CATSPERE: variants seen among roughly 807,000 people sequenced by gnomAD.
CATSPERE encodes the protein cation channel sperm-associated auxiliary subunit epsilon.
A neutral mutation model predicts 114.1 loss-of-function variants in CATSPERE; 93 were observed. The ratio of observed to expected loss-of-function variants is 0.81; its 90% CI spans 0.69 to 0.97. The LOEUF is 0.97. CATSPERE is among the 50% of genes least tolerant of loss of function. The pLI, the probability that CATSPERE is intolerant of heterozygous loss-of-function variation, is 0.00. For synonymous variants in CATSPERE, 341 were observed against 384.1 expected, an observed-to-expected ratio of 0.89 and a Z score of 1.31; for missense variants, 1,058 against 1,131.6, an observed-to-expected ratio of 0.93 and a Z score of 0.93.
At chr1:244,556,623 G>A (rs1407628489) in intron 9 of CATSPERE, among the ~76,000 whole-genome samples, 2 of 152,146 alleles carry the variant, frequency 1.3e-5, no homozygotes, top group African/African-American at 2.4e-5. Context: ...AGACCATATC[G>A]ACCAATGTCA....
intron 8 of CATSPERE, among the ~76,000 whole-genome samples, chr1:244,528,523 TAGTA>T (rs1679033656): frequency 6.6e-6 from 1 of 152,086 alleles, no homozygotes; most frequent in Non-Finnish European, 1.5e-5. Context: ...TGTGGGTACA[TAGTA>T]GGTATATATA....
At chr1:244,531,570 G>A (rs561209623) in intron 8 of CATSPERE, among the ~76,000 whole-genome samples, 59 of 151,852 alleles carry the variant, frequency 3.9e-4, no homozygotes, top group African/African-American at 1.4e-3. Flanking sequence ...ATGCTTTTCG[G>A]TATTAATTGA....
chr1:244,620,833 G>A (rs1026338154), intron 20 of CATSPERE, among the ~76,000 whole-genome samples: 16 of 150,590 alleles, frequency 1.1e-4, no homozygotes, highest in African/African-American at 3.9e-4. Context: ...AGGGTTATCT[G>A]CATATCCCTG....
At chr1:244,602,248 G>A (rs980011270) in intron 17 of CATSPERE, among the ~76,000 whole-genome samples, 1 of 152,260 alleles carries the variant, frequency 6.6e-6, no homozygotes, top group South Asian at 2.1e-4. Flanking sequence ...AGAGGTCAAC[G>A]ACAGAGGGAC....
At chr1:244,459,332 C>T (rs928125219), upstream of CATSPERE, among the ~76,000 whole-genome samples, 2 of 152,172 alleles carry the variant, frequency 1.3e-5, no homozygotes, top group African/African-American at 4.8e-5. Context: ...CCACTTCAGT[C>T]TCCCAGAGTG....
At position 244,573,788 on chromosome 1, in the gene CATSPERE, G is replaced by T. The variant is rs1664833396; in HGVS notation, c.1950+1016G>T. 6.6e-6 allele frequency among the ~76,000 whole-genome samples: 1 copy of T among 152,160 alleles called. No homozygotes were observed. ...TTATGGAGAAATAGCAAGTTACACT[G>T]CATACGGGACATGCATATGGGAATG... On this transcript the variant is annotated intron_variant, in intron 11 of 21. Coordinates refer to ENST00000366534, the MANE Select transcript of CATSPERE (RefSeq NM_001130957.2). The surrounding 1 kb of genome is among the most constrained non-coding windows in gnomAD (Gnocchi z 4.0).
intron 20 of CATSPERE, among the ~76,000 whole-genome samples, chr1:244,629,503 C>CA (rs1553393505): frequency 2.4e-5 from 2 of 82,328 alleles, no homozygotes; most frequent in South Asian, 4.9e-4. Flanking sequence ...TCTCTCTTAC[C>CA]TTTTTTTTTT....
intron 19 of CATSPERE, among the ~76,000 whole-genome samples, chr1:244,610,863 T>C (rs1572997489): frequency 6.6e-6 from 1 of 151,572 alleles, no homozygotes; most frequent in East Asian, 1.9e-4. Flanking sequence ...CAGGTTCAAG[T>C]GATTCTCCTG....
chr1:244,516,873 C>T (rs1676729889), intron 7 of CATSPERE, among the ~76,000 whole-genome samples: 2 of 151,988 alleles, frequency 1.3e-5, no homozygotes, highest in Non-Finnish European at 2.9e-5. Flanking sequence ...ATCACACTTC[C>T]AAGAATCTTA....
chr1:244,638,451 G>C (rs961398517), intron 21 of CATSPERE, among the ~76,000 whole-genome samples: 10 of 152,096 alleles, frequency 6.6e-5, no homozygotes, highest in Admixed American at 2.6e-4. Context: ...TTAAATGTTG[G>C]CCTCCCCTGA....
intron 21 of CATSPERE, among the ~76,000 whole-genome samples, chr1:244,635,878 T>G (rs1428669559): frequency 6.6e-6 from 1 of 152,184 alleles, no homozygotes; most frequent in Non-Finnish European, 1.5e-5. Flanking sequence ...TTCTGCCCCC[T>G]ATATGACATC....
chr1:244,547,774 C>A (rs1028767963), intron 8 of CATSPERE, among the ~76,000 whole-genome samples: 19 of 152,062 alleles, frequency 1.2e-4, no homozygotes, highest in African/African-American at 4.6e-4. Context: ...AAGAAAAGAT[C>A]TATAAAACAA....
Position 244,463,892 on chromosome 1 carries a change from G to T in CATSPERE, c.66-16G>T, listed in dbSNP as rs371232986. 6.3e-7 allele frequency: 1 copy of T among 1,578,362 alleles called. No homozygotes were observed. Among genetic ancestry groups the T allele is most frequent in the Non-Finnish European group, 8.7e-7 (1 of 1,147,990 alleles). On this transcript the variant is annotated splice_polypyrimidine_tract_variant and intron_variant, in intron 1 of 21. Transcript: ENST00000366534. ...AAATTAGTTTTAATATTTATACTTG[G>T]CCTCTTCCTCCACAGGTATTCCACT...
intron 5 of CATSPERE, among the ~76,000 whole-genome samples, chr1:244,485,711 T>G (rs1431301671): frequency 2.0e-5 from 3 of 151,680 alleles, no homozygotes; most frequent in Non-Finnish European, 2.9e-5. Context: ...TGTTTTTTTT[T>G]TTTTGAGATA....
intron 20 of CATSPERE, among the ~76,000 whole-genome samples, chr1:244,626,723 AC>A (rs1673247946): frequency 1.3e-5 from 2 of 152,156 alleles, no homozygotes; most frequent in South Asian, 2.1e-4. Flanking sequence ...CTAGCTTCAA[AC>A]CTTCCTTCTG....
At chr1:244,482,156 T>TAAA (rs1355261619) in intron 5 of CATSPERE, among the ~76,000 whole-genome samples, 1 of 152,148 alleles carries the variant, frequency 6.6e-6, no homozygotes, top group Non-Finnish European at 1.5e-5. Flanking sequence ...CTGTCACCTG[T>TAAA]AAAAATATCA....
chr1:244,505,120 T>G (rs1674621999), intron 7 of CATSPERE, among the ~76,000 whole-genome samples: 1 of 152,224 alleles, frequency 6.6e-6, no homozygotes, highest in Admixed American at 6.5e-5. Flanking sequence ...CCTTTGACAT[T>G]CTCTCATCAT....
chr1:244,507,100 T>C (rs1349537601), intron 7 of CATSPERE, among the ~76,000 whole-genome samples: 1 of 152,222 alleles, frequency 6.6e-6, no homozygotes, highest in African/African-American at 2.4e-5. Flanking sequence ...TTTTTTTTTA[T>C]AGCTGAATAG....
rs1389331947 is a variant in CATSPERE, at chr1:244,633,231, G to C, written c.2649-2258G>C. Among the ~76,000 whole-genome samples the C allele has an allele frequency of 6.6e-6, 1 of 152,124 alleles. No homozygotes were observed. The highest frequency in any genetic ancestry group is 6.6e-5 in the Admixed American group (1 of 15,264). ...GGACAAGTAGAGAGAAAATCAGTAA[G>C]GATACAGAATACCTAACTGTGCTAT... On this transcript the variant is annotated intron_variant, in intron 20 of 21. Coordinates refer to ENST00000366534, the MANE Select transcript of CATSPERE (RefSeq NM_001130957.2). The surrounding 1 kb of genome is among the most constrained non-coding windows in gnomAD (Gnocchi z 4.1).
Sources: allele counts gnomAD v4.1 joint callset (sites outside exome capture counted in the v4.1 genomes callset), GRCh38; gene constraint gnomAD v4.1.1; non-coding constraint Gnocchi (gnomAD v3.1); transcripts MANE v1.5; gene names NCBI Gene and HGNC (gene_info 2026-07-23, HGNC 2026-07-21).